Variants in QARS1 observed in about 807,000 individuals in gnomAD.
QARS1 encodes glutaminyl-tRNA synthetase 1.
A neutral mutation model predicts 106.9 loss-of-function variants in QARS1; 79 were observed. The ratio of observed to expected loss-of-function variants is 0.74; its 90% confidence interval spans 0.62 to 0.89. The LOEUF (loss-of-function observed/expected upper bound fraction) is 0.89. Ranked by LOEUF, QARS1 falls within the 40% of genes least tolerant of loss-of-function variation. QARS1 has a pLI of 0.00. For synonymous variants in QARS1, 395 were observed against 367.7 expected (o/e 1.07, Z -0.85); for missense variants, 966 against 997.2 (o/e 0.97, Z 0.42).
At position 49,104,747 on chromosome 3, in the gene QARS1, G is replaced by A. The variant is rs759042007; in HGVS notation, c.-14C>T. ...TAGAGCCGCCATTGCAGAGACACCG[G>A]AAACTAAAAGAAACTTAGGCCCCAG... On this transcript the variant is annotated 5_prime_UTR_variant, in exon 1 of 24. Transcript: ENST00000306125. The A allele has an allele frequency of 1.2e-6, 2 of 1,607,470 alleles. No individual in the cohort carries two copies. The highest frequency in any genetic ancestry group is 8.5e-7 in the Non-Finnish European group (1 of 1,174,542).
chr3:49,098,444 AG>A lies in QARS1; in HGVS notation c.1992del (p.Cys665AlafsTer21). The A allele has an allele frequency of 3.1e-6, 5 of 1,614,192 alleles. No individual in the cohort carries two copies. The highest frequency in any genetic ancestry group is 4.2e-6 in the Non-Finnish European group (5 of 1,180,032). On this transcript the variant is annotated frameshift_variant, in exon 21 of 24. Coordinates refer to ENST00000306125, the MANE Select transcript of QARS1 (RefSeq NM_005051.3). LOFTEE classifies it high-confidence loss of function. ...PSGCVESLEV[T>X]CRRADAGEKP... The stretch of plus-strand genomic sequence containing the variant: ...TTCTCTCCAGCATCTGCCCGTCTGC[AG>A]GTCACCTCCAGACTCTCTACACAAC...
rs1057040170 is a variant in QARS1, at chr3:49,098,804, T to C, written c.1863+81A>G. On this transcript the variant is annotated intron_variant, in intron 19 of 23. Transcript: ENST00000306125. ...TGGTTCATCTGAAGCAGGAAGTAGA[T>C]GGACTGACAGAGATGAGGAGATGAA... The C allele has an allele frequency of 4.7e-6, 7 of 1,499,266 alleles. No individual in the cohort carries two copies. The African/African-American group carries it at 9.7e-5, about 21-fold the overall frequency. The allele number at this position is 1,499,266 out of a possible 1,614,324, so 92.9% of individuals were successfully genotyped here. A position where few individuals can be genotyped will look rare whatever the true frequency, so the allele number is the denominator to read the frequency against.
intron 8 of QARS1, 31 bp downstream of exon 8, chr3:49,101,797 C>A (rs1013191064): frequency 1.2e-6 from 2 of 1,608,228 alleles, no homozygotes; most frequent in South Asian, 1.1e-5. Context: ...CAAGATCCAG[C>A]CCTCCCCAGG....
At position 49,100,581 on chromosome 3, in the gene QARS1, A is replaced by G; in HGVS notation, c.970T>C (p.Trp324Arg). The G allele has an allele frequency of 6.2e-7, 1 of 1,604,256 alleles. No homozygotes were observed. The highest frequency in any genetic ancestry group is 8.5e-7 in the Non-Finnish European group (1 of 1,171,062). ...GGCTTTGCCTAGTCCATACCTAGCC[A>G]GGCTACCATGTCACAGATGGCCGTG... Reference protein sequence around the residue: ...FFTAICDMVAWLGYTPYKVTY... With the variant: ...FFTAICDMVARLGYTPYKVTY... The change falls in exon 11 of 24, where the codon TGG (tryptophan) becomes CGG (arginine). Residue 324 changes from tryptophan to arginine, a missense_variant. By Grantham distance (101) the Trp-to-Arg change is moderately radical. Coordinates refer to ENST00000306125, the MANE Select transcript of QARS1 (RefSeq NM_005051.3).
chr3:49,100,464 G>A lies in QARS1; in HGVS notation c.977-6C>T. The A allele has an allele frequency of 1.2e-6, 2 of 1,613,884 alleles. No individual in the cohort carries two copies. Among genetic ancestry groups the A allele is most frequent in the Non-Finnish European group, 1.7e-6 (2 of 1,179,786 alleles). ...GACTTTGTAAGGTGTGTAGCCTGGG[G>A]CAAAATGAAACAAAGTATGAGCAGC... is the stretch of plus-strand genomic sequence containing the variant. On this transcript the variant is annotated splice_region_variant and splice_polypyrimidine_tract_variant and intron_variant, in intron 11 of 23. Transcript: ENST00000306125.
In QARS1 at chr3:49,098,041, A is replaced by G. The variant is rs1353791428; in HGVS notation, c.2228T>C (p.Phe743Ser). 6.2e-7 allele frequency: 1 copy of G among 1,614,196 alleles called. No homozygotes were observed. Among genetic ancestry groups the G allele is most frequent in the East Asian group, 2.2e-5 (1 of 44,882 alleles). Residue 743 changes from phenylalanine to serine, a missense_variant, in exon 23 of 24, where the codon TTT (phenylalanine) becomes TCT (serine). Transcript: ENST00000306125. Reference protein sequence around the residue: ...ALAKPFDKFQFERLGYFSVDP... With the variant: ...ALAKPFDKFQSERLGYFSVDP... ...CACGGAGAAATATCCAAGACGCTCAAACTGGAACTTGTCGAAGGGTTTTGC... is the reference window on the plus strand; with the variant it reads ...CACGGAGAAATATCCAAGACGCTCAGACTGGAACTTGTCGAAGGGTTTTGC...
At chr3:49,100,854 T>C (rs1052347241) in intron 10 of QARS1, 180 bp from the exon 11 acceptor site, 3 of 694,018 alleles carry the variant, frequency 4.3e-6, no homozygotes, top group African/African-American at 3.5e-5. Context: ...GGGTTTCTCC[T>C]GCCTCAGCTT....
At position 49,098,929 on chromosome 3, in the gene QARS1, G is replaced by C; in HGVS notation, c.1819C>G (p.Pro607Ala). 1.2e-6 allele frequency: 2 copies of C among 1,614,118 alleles called. No individual in the cohort carries two copies. Among genetic ancestry groups the C allele is most frequent in the Admixed American group, 3.3e-5 (2 of 60,008 alleles). Residue 607 changes from proline to alanine, a missense_variant, in exon 19 of 24, where the codon CCC becomes GCC. Pro to Ala is a conservative substitution (Grantham distance 27, BLOSUM62 -1). Transcript: ENST00000306125. Reference protein sequence around the residue: ...ADETKGFHQVPFAPIVFIERT... With the variant: ...ADETKGFHQVAFAPIVFIERT... ...TCAATGAAGACAATGGGTGCAAAGGGAACCTGATGGAAGCCTTTGGTCTCA... is the reference window on the plus strand; with the variant it reads ...TCAATGAAGACAATGGGTGCAAAGGCAACCTGATGGAAGCCTTTGGTCTCA...
rs377586991 is a variant in QARS1 at position 49,099,941 on chromosome 3, C to G, written c.1295+20G>C. On this transcript the variant is annotated intron_variant, in intron 14 of 23. Coordinates refer to ENST00000306125, the MANE Select transcript of QARS1 (RefSeq NM_005051.3). ...CGCCCTGCTCGGCAGCCCCACCACC[C>G]CACCCCATTCTACACCCACCATTTG... 4.8e-4 allele frequency: 777 copies of G among 1,614,110 alleles called. 4 individuals carry two copies. Among genetic ancestry groups the G allele is most frequent in the South Asian group, 3.9e-3 (357 of 91,072 alleles).
chr3:49,100,465 CA>C lies in QARS1; in HGVS notation c.977-8del. The C allele has an allele frequency of 6.2e-7, 1 of 1,613,664 alleles. No homozygotes were observed. The highest frequency in any genetic ancestry group is 8.5e-7 in the Non-Finnish European group (1 of 1,179,616). ...ACTTTGTAAGGTGTGTAGCCTGGGG[CA>C]AAATGAAACAAAGTATGAGCAGCCA... On this transcript the variant is annotated splice_polypyrimidine_tract_variant and splice_region_variant and intron_variant, in intron 11 of 23. Coordinates refer to ENST00000306125, the MANE Select transcript of QARS1 (RefSeq NM_005051.3).
chr3:49,099,945 C>A lies in QARS1; in HGVS notation c.1295+16G>T. 1 of 1,614,160 alleles carries A rather than the reference C, an allele frequency of 6.2e-7. No individual in the cohort carries two copies. Among genetic ancestry groups the A allele is most frequent in the Non-Finnish European group, 8.5e-7 (1 of 1,180,022 alleles). On this transcript the variant is annotated intron_variant, in intron 14 of 23. Coordinates refer to ENST00000306125, the MANE Select transcript of QARS1 (RefSeq NM_005051.3). ...CTGCTCGGCAGCCCCACCACCCCACCCCATTCTACACCCACCATTTGTCCC... is the reference window on the plus strand; with the variant it reads ...CTGCTCGGCAGCCCCACCACCCCACACCATTCTACACCCACCATTTGTCCC...
intron 10 of QARS1, 71 bp downstream of exon 10, chr3:49,101,284 G>C: frequency 8.3e-7 from 1 of 1,210,892 alleles, no homozygotes. Flanking sequence ...CAGCAAGGCA[G>C]GGATATGGTA....
At chr3:49,101,468 AAAT>A (rs777731357) in intron 9 of QARS1, 27 bp from the exon 10 acceptor site, 23 of 1,597,092 alleles carry the variant, frequency 1.4e-5, no homozygotes, top group African/African-American at 4.0e-5. Context: ...GGGAAAAGAG[AAAT>A]AAAGTCTGAG....
intron 23 of QARS1, among the ~76,000 whole-genome samples, chr3:49,096,798 C>CAAAAAAAAAAAAAAAAAAAAAA (rs770587253): frequency 7.1e-5 from 1 of 14,156 alleles, no homozygotes; most frequent in Non-Finnish European, 1.1e-4. Context: ...GACTCCGTCT[C>CAAAAAAAAAAAAAAAAAAAAAA]AAAAAAAAAA....
intron 23 of QARS1, among the ~76,000 whole-genome samples, chr3:49,096,367 T>G (rs1381674669): frequency 1.3e-5 from 2 of 152,022 alleles, no homozygotes; most frequent in Non-Finnish European, 2.9e-5. Flanking sequence ...CTTTAAGGAG[T>G]AAGAAAGACA....
intron 5 of QARS1, 168 bp from the exon 6 acceptor site, chr3:49,102,640 G>T: frequency 1.4e-6 from 1 of 698,654 alleles, no homozygotes; most frequent in Non-Finnish European, 2.5e-6. Context: ...AGCTTAAAAT[G>T]CTCTTGCTCT....
rs776233744 is a variant in QARS1 at position 49,104,725 on chromosome 3, A to G, written c.9T>C (p.Ala3=). The part of the protein sequence containing the change: MA[A]LDSLSLFTSL... The stretch of plus-strand genomic sequence containing the variant: ...TAGTGAAGAGCGACAGGGAGTCTAG[A>G]GCCGCCATTGCAGAGACACCGGAAA... The change falls in exon 1 of 24, where the codon GCT becomes GCC. Residue 3 remains alanine (A), a synonymous_variant. Coordinates refer to ENST00000306125, the MANE Select transcript of QARS1 (RefSeq NM_005051.3). 3.7e-5 allele frequency: 59 copies of G among 1,612,578 alleles called. No individual in the cohort carries two copies. The highest frequency in any genetic ancestry group is 4.5e-5 in the Non-Finnish European group (53 of 1,179,288).
rs890359421 is a variant in QARS1 at position 49,102,181 on chromosome 3, T to C, written c.631+24A>G. 4 of 1,614,060 alleles carry C rather than the reference T, an allele frequency of 2.5e-6. No homozygotes were observed. The Admixed American group carries it at 5.0e-5, about 20-fold the overall frequency. On this transcript the variant is annotated intron_variant, in intron 7 of 23. Coordinates refer to ENST00000306125, the MANE Select transcript of QARS1 (RefSeq NM_005051.3). ...TCAGAAGTCAGGGAGCTGAATGCTGTGACAGGAGTCTCAAGCTTCTCACCA... is the reference window on the plus strand; with the variant it reads ...TCAGAAGTCAGGGAGCTGAATGCTGCGACAGGAGTCTCAAGCTTCTCACCA...
At position 49,100,058 on chromosome 3, in the gene QARS1, C is replaced by A. The variant is rs2042448079; in HGVS notation, c.1198G>T (p.Ala400Ser). The change falls in exon 14 of 24, where the codon GCC (alanine) becomes TCC (serine). Residue 400 changes from alanine (A) to serine (S), a missense_variant. Ala to Ser is a moderately conservative substitution (Grantham distance 99). Transcript: ENST00000306125. ...MRKGKFSEGE[A>S]TLRMKLVMED... ...ATCACCAGCTTCATCCGTAGTGTGG[C>A]CTCGCCCTCTGAAAACTTGCCCTTG... 6.2e-7 allele frequency: 1 copy of A among 1,614,098 alleles called. No homozygotes were observed. The highest frequency in any genetic ancestry group is 8.5e-7 in the Non-Finnish European group (1 of 1,180,042).
Sources: gnomAD v4.1 joint callset for allele counts (sites outside exome capture counted in the v4.1 genomes callset) on GRCh38, gnomAD v4.1.1 for gene constraint, MANE v1.5 for transcripts, NCBI Gene and HGNC (gene_info 2026-07-23, HGNC 2026-07-21) for gene names.